Variants in PDE2A observed in about 807,000 individuals in gnomAD.
PDE2A encodes cGMP-dependent 3',5'-cyclic phosphodiesterase.
A neutral mutation model predicts 133.6 loss-of-function variants in PDE2A; 53 were observed. That is an observed-to-expected ratio of 0.40 (90% CI 0.32 to 0.50). The LOEUF is 0.50. Ranked by LOEUF, PDE2A falls within the 20% of genes least tolerant of loss-of-function variation. PDE2A has a pLI of 0.73. For missense variants in PDE2A, 796 were observed against 1,232.4 expected (o/e 0.65, Z 5.30); for synonymous variants, 491 against 490.2 (o/e 1.00, Z -0.02).
At chr11:72,611,499 G>T (rs1355022939) in intron 2 of PDE2A, among the ~76,000 whole-genome samples, 2 of 152,178 alleles carry the variant, frequency 1.3e-5, no homozygotes, top group African/African-American at 4.8e-5. Context: ...ACTGGAATTG[G>T]TGGGTGCCTG....
At position 72,578,246 on chromosome 11, in the gene PDE2A, T is replaced by A; in HGVS notation, c.2602A>T (p.Met868Leu). ...GAGCTCACTCACTTGTAGATGGGCA[T>A]TGCAATGTGCTCCATGAAGCTGATT... ...LQISFMEHIA[M>L]PIYKLLQDLF... The change falls in exon 30 of 31, where the codon ATG (methionine) becomes TTG (leucine). Residue 868 changes from methionine (M) to leucine (L), a missense_variant. By Grantham distance (15) the Met-to-Leu change is conservative. Around this residue, in one of 7 missense-constraint regions of PDE2A, gnomAD observed 83 missense variants for 99.0 expected, o/e 0.84. Coordinates refer to ENST00000334456, the MANE Select transcript of PDE2A (RefSeq NM_002599.5). This position sits in a 1 kb window ranked among gnomAD's most constrained non-coding sequence, Gnocchi z 4.2. 1 of 1,604,954 alleles carries A rather than the reference T, an allele frequency of 6.2e-7. No homozygotes were observed. The highest frequency in any genetic ancestry group is 8.5e-7 in the Non-Finnish European group (1 of 1,171,598).
At chr11:72,598,374 T>C (rs1591046272) in intron 4 of PDE2A, 1 of 499,334 alleles carries the variant, frequency 2.0e-6, no homozygotes. Context: ...AGTGGCAGGG[T>C]ATGACAGTGG....
At chr11:72,664,968 A>T (rs1855193021) in intron 1 of PDE2A, among the ~76,000 whole-genome samples, 1 of 151,792 alleles carries the variant, frequency 6.6e-6, no homozygotes, top group Non-Finnish European at 1.5e-5. Flanking sequence ...CACCACGCCC[A>T]GCTAATTCTG....
In PDE2A at chr11:72,584,294, C is replaced by T. The variant is rs1340934250; in HGVS notation, c.1557G>A (p.Glu519=). Residue 519 remains glutamate (E), a synonymous_variant, in exon 19 of 31, where the codon GAG becomes GAA. Transcript: ENST00000334456. ...ATGGCCCATTGATCTTGTTCACCAG[C>T]TCGGCCACACCGATGACCTCTGGGG... ...NENQEVIGVA[E]LVNKINGPWF... is the part of the protein sequence containing the mutation. 2 of 1,611,560 alleles carry T rather than the reference C, an allele frequency of 1.2e-6. No homozygotes were observed. Among genetic ancestry groups the T allele is most frequent in the Admixed American group, 3.3e-5 (2 of 60,016 alleles).
chr11:72,588,833 C>T lies in PDE2A; in HGVS notation c.1021G>A (p.Asp341Asn), dbSNP rs1856098501. The part of the protein sequence containing the change: ...LCVPVISRAT[D>N]QVVALACAFN... Reference sequence around the variant, plus strand: ...GCGCAGGCCAAGGCCACCACCTGGTCAGTGGCCCGGCTGATGACAGGGACA... The same window carrying T: ...GCGCAGGCCAAGGCCACCACCTGGTTAGTGGCCCGGCTGATGACAGGGACA... The change falls in exon 13 of 31, where the codon GAC becomes AAC. Residue 341 changes from aspartate (D) to asparagine (N), a missense_variant. Transcript: ENST00000334456. The T allele has an allele frequency of 1.2e-6, 2 of 1,611,314 alleles. No homozygotes were observed. The highest frequency in any genetic ancestry group is 1.7e-6 in the Non-Finnish European group (2 of 1,178,056).
At chr11:72,631,035 A>T in intron 2 of PDE2A, 1 of 811,560 alleles carries the variant, frequency 1.2e-6, no homozygotes, top group Non-Finnish European at 2.0e-6. Context: ...TCTGCGCCCC[A>T]CCCCCTCAAG....
chr11:72,607,314 C>T (rs1306982445), intron 3 of PDE2A, among the ~76,000 whole-genome samples: 2 of 152,180 alleles, frequency 1.3e-5, no homozygotes, highest in Non-Finnish European at 2.9e-5. Context: ...GAGCCAGTCA[C>T]TTCCTCCTCC....
At chr11:72,596,511 C>A (rs113957620) in intron 6 of PDE2A, 82 bp downstream of exon 6, 2 of 645,794 alleles carry the variant, frequency 3.1e-6, no homozygotes, top group Non-Finnish European at 2.5e-6. Context: ...CACACACACA[C>A]ACACACCCTG....
At chr11:72,612,699 T>C (rs1857267954) in intron 2 of PDE2A, among the ~76,000 whole-genome samples, 1 of 106,036 alleles carries the variant, frequency 9.4e-6, no homozygotes, top group African/African-American at 3.7e-5. Flanking sequence ...GGTGGGTGGA[T>C]GGTGGGTGGA....
chr11:72,591,600 T>C (rs1428287289), intron 6 of PDE2A, among the ~76,000 whole-genome samples: 1 of 152,216 alleles, frequency 6.6e-6, no homozygotes, highest in Non-Finnish European at 1.5e-5. Flanking sequence ...TTTCAATCAC[T>C]GTCTCATCAA....
intron 7 of PDE2A, chr11:72,591,025 A>C (rs1591032946): frequency 2.2e-6 from 1 of 454,746 alleles, no homozygotes; most frequent in Non-Finnish European, 3.9e-6. Flanking sequence ...AAAAGTCGAA[A>C]ATTGTAAGTT....
intron 2 of PDE2A, among the ~76,000 whole-genome samples, chr11:72,631,637 C>A (rs1289765019): frequency 6.6e-6 from 1 of 152,138 alleles, no homozygotes; most frequent in Non-Finnish European, 1.5e-5. Flanking sequence ...TGTGGGAGCC[C>A]CCCTACCCCA....
intron 1 of PDE2A, among the ~76,000 whole-genome samples, chr11:72,661,499 C>T (rs1565196924): frequency 6.6e-6 from 1 of 152,154 alleles, no homozygotes; most frequent in Non-Finnish European, 1.5e-5. Flanking sequence ...CATCCCAAAA[C>T]TTGACAGAAA....
At chr11:72,604,484 A>G (rs577307379) in intron 4 of PDE2A, among the ~76,000 whole-genome samples, 1 of 152,374 alleles carries the variant, frequency 6.6e-6, no homozygotes, top group Non-Finnish European at 1.5e-5. Flanking sequence ...AATCCCCAAC[A>G]GACAGCCCTC....
intron 2 of PDE2A, among the ~76,000 whole-genome samples, chr11:72,617,865 G>A (rs1857551846): frequency 6.6e-6 from 1 of 152,222 alleles, no homozygotes; most frequent in African/African-American, 2.4e-5. Context: ...CTGCAGGAAT[G>A]TGTGAGCACT....
chr11:72,605,257 G>A (rs1856920490), intron 3 of PDE2A, 31 bp from the exon 4 acceptor site: 1 of 1,448,644 alleles, frequency 6.9e-7, no homozygotes, highest in Non-Finnish European at 9.6e-7. Flanking sequence ...GAGACCCTGT[G>A]GAGAGGCCCT....
Position 72,590,229 on chromosome 11 carries a change from A to T in PDE2A, c.719T>A (p.Leu240Gln). Residue 240 changes from leucine (L) to glutamine (Q), a missense_variant, in exon 9 of 31, where the codon CTG (leucine) becomes CAG (glutamine). Transcript: ENST00000334456. This position sits in a 1 kb window ranked among gnomAD's most constrained non-coding sequence, Gnocchi z 4.8. ...ILQLCGELYD[L>Q]DASSLQLKVL... ...TTTGAGCTGCAGGGAAGAGGCATCCAGGTCGTAGAGTTCCCCTGCAAGGGC... is the reference window on the plus strand; with the variant it reads ...TTTGAGCTGCAGGGAAGAGGCATCCTGGTCGTAGAGTTCCCCTGCAAGGGC... 6.4e-7 allele frequency: 1 copy of T among 1,551,660 alleles called. No homozygotes were observed. The highest frequency in any genetic ancestry group is 8.7e-7 in the Non-Finnish European group (1 of 1,146,950).
Position 72,597,662 on chromosome 11 carries a change from G to A in PDE2A, c.324-43C>T, listed in dbSNP as rs751149937. 3 of 1,358,162 alleles carry A rather than the reference G, an allele frequency of 2.2e-6. No individual in the cohort carries two copies. The highest frequency in any genetic ancestry group is 4.6e-5 in the East Asian group (2 of 43,152). The allele number at this position is 1,358,162 out of a possible 1,614,324, so 84.1% of individuals were successfully genotyped here. A position where few individuals can be genotyped will look rare whatever the true frequency, so the allele number is the denominator to read the frequency against. The stretch of plus-strand genomic sequence containing the variant: ...TGCCACCTTGAGAGCCCCCGACTCA[G>A]GGAGGAACGAGGCCTGGCCTGGGAA... On this transcript the variant is annotated intron_variant, in intron 4 of 30. Transcript: ENST00000334456. The surrounding 1 kb of genome is among the most constrained non-coding windows in gnomAD (Gnocchi z 4.6).
chr11:72,641,083 C>T lies in PDE2A; in HGVS notation c.144+1171G>A, dbSNP rs148557804. Among the ~76,000 whole-genome samples, 267 of 152,274 alleles carry T rather than the reference C, an allele frequency of 1.8e-3. 2 individuals carry two copies. Among genetic ancestry groups the T allele is most frequent in the African/African-American group, 6.3e-3 (260 of 41,544 alleles). ...CTCACACAAACACATACACTATAGA[C>T]CCACCCAGCCTGGACACATCCCACC... On this transcript the variant is annotated intron_variant, in intron 2 of 30. Coordinates refer to ENST00000334456, the MANE Select transcript of PDE2A (RefSeq NM_002599.5).
Sources: allele counts gnomAD v4.1 joint callset (sites outside exome capture counted in the v4.1 genomes callset), GRCh38; gene constraint gnomAD v4.1.1; regional missense constraint gnomAD v4.1.1; non-coding constraint Gnocchi (gnomAD v3.1); transcripts MANE v1.5; gene names NCBI Gene and HGNC (gene_info 2026-07-23, HGNC 2026-07-21).